SPIDR: variants seen among roughly 807,000 people sequenced by gnomAD.
SPIDR encodes the protein DNA repair-scaffolding protein.
A neutral mutation model predicts 104.6 loss-of-function variants in SPIDR; 93 were observed. That is an observed-to-expected ratio of 0.89 (90% CI 0.75 to 1.06). SPIDR has a LOEUF of 1.06. Ranked by LOEUF, SPIDR falls within the 50% of genes least tolerant of loss-of-function variation. SPIDR has a pLI of 0.00. For missense variants in SPIDR, 1,154 were observed against 1,111.2 expected (o/e 1.04, Z -0.55); for synonymous variants, 431 against 416.9 (o/e 1.03, Z -0.41).
At chr8:47,649,897 A>G (rs924622018) in intron 10 of SPIDR, among the ~76,000 whole-genome samples, 3 of 152,212 alleles carry the variant, frequency 2.0e-5, no homozygotes. Flanking sequence ...AGCATTCAAT[A>G]AAATCCAGCA....
Position 47,592,072 on chromosome 8 carries a change from T to G in SPIDR, c.1098-3739T>G, listed in dbSNP as rs1262451732. ...AGTAATGTTTCTAAGACTGTGTCCA[T>G]TAAATGCAAACAAAAAGGAGGAAGT... On this transcript the variant is annotated intron_variant, in intron 8 of 19. Coordinates refer to ENST00000297423, the MANE Select transcript of SPIDR (RefSeq NM_001080394.4). 5 of 1,148,586 alleles carry G rather than the reference T, an allele frequency of 4.4e-6. No homozygotes were observed. In the African/African-American group the frequency reaches 4.7e-5, roughly 11 times the overall value. The allele number at this position is 1,148,586 out of a possible 1,614,324, so 71.1% of individuals were successfully genotyped here. A position where few individuals can be genotyped will look rare whatever the true frequency, so the allele number is the denominator to read the frequency against.
chr8:47,365,806 TC>T (rs782680637), intron 5 of SPIDR, among the ~76,000 whole-genome samples: 5 of 152,112 alleles, frequency 3.3e-5, no homozygotes, highest in Non-Finnish European at 7.4e-5. Flanking sequence ...AAAGACTTCT[TC>T]CAGGCAAGTA....
intron 1 of SPIDR, among the ~76,000 whole-genome samples, chr8:47,263,466 A>G (rs1217653632): frequency 1.3e-5 from 2 of 151,990 alleles, no homozygotes; most frequent in East Asian, 3.9e-4. Context: ...TACAGGCGCC[A>G]GCCTCCACAC....
At chr8:47,682,694 T>G (rs1224896492) in intron 11 of SPIDR, among the ~76,000 whole-genome samples, 1 of 152,192 alleles carries the variant, frequency 6.6e-6, no homozygotes, top group African/African-American at 2.4e-5. Flanking sequence ...CAATGGAACT[T>G]CTGGGCATAA....
chr8:47,654,176 A>T (rs1198352648), intron 10 of SPIDR: 1 of 1,289,744 alleles, frequency 7.8e-7, no homozygotes, highest in East Asian at 5.6e-5. Context: ...ACTCTATTCG[A>T]TAAGAAGGAG....
At chr8:47,348,511 G>A (rs1211003675) in intron 5 of SPIDR, among the ~76,000 whole-genome samples, 1 of 152,200 alleles carries the variant, frequency 6.6e-6, no homozygotes, top group African/African-American at 2.4e-5. Context: ...CGAAGTTGGG[G>A]AAGTTTTCCT....
intron 1 of SPIDR, among the ~76,000 whole-genome samples, chr8:47,275,784 A>G (rs1182354075): frequency 6.6e-6 from 1 of 152,190 alleles, no homozygotes; most frequent in Non-Finnish European, 1.5e-5. Context: ...ATGTGGATGA[A>G]TAGACCATGA....
intron 8 of SPIDR, among the ~76,000 whole-genome samples, chr8:47,460,825 A>G (rs1452408941): frequency 1.3e-5 from 2 of 152,200 alleles, no homozygotes; most frequent in Non-Finnish European, 2.9e-5. Context: ...TTAGACCTCC[A>G]TTTAGCAGTT....
chr8:47,321,089 G>T (rs1290395443), intron 5 of SPIDR, among the ~76,000 whole-genome samples: 2 of 152,108 alleles, frequency 1.3e-5, no homozygotes, highest in Non-Finnish European at 2.9e-5. Context: ...GGAAGTTCTG[G>T]CCAGGGCAAT....
chr8:47,721,754 C>T (rs144363001), intron 16 of SPIDR, among the ~76,000 whole-genome samples: 7 of 152,296 alleles, frequency 4.6e-5, no homozygotes, highest in South Asian at 2.1e-4. Flanking sequence ...GGATTACAGG[C>T]GTGAGCCACC....
intron 10 of SPIDR, among the ~76,000 whole-genome samples, chr8:47,603,793 A>G (rs1192390708): frequency 6.6e-6 from 1 of 152,218 alleles, no homozygotes; most frequent in African/African-American, 2.4e-5. Context: ...TTGCAAGAGG[A>G]CAGAACGTGC....
rs375785691 is a variant in SPIDR, at chr8:47,329,172, G to A, written c.525+35142G>A. On this transcript the variant is annotated intron_variant, in intron 5 of 19. Transcript: ENST00000297423. ...TGCAACCTCCGCCTCCTGGGTTCAC[G>A]CCATTCTCCTGCCTCAGCCTCCCGA... Among the ~76,000 whole-genome samples the A allele has an allele frequency of 1.5e-4, 22 of 151,716 alleles. No homozygotes were observed. In the East Asian group the frequency reaches 2.7e-3, roughly 19 times the overall value.
chr8:47,510,461 C>G (rs2082146896), intron 8 of SPIDR, among the ~76,000 whole-genome samples: 2 of 152,004 alleles, frequency 1.3e-5, no homozygotes, highest in African/African-American at 4.8e-5. Flanking sequence ...AAATTATGTG[C>G]ATAAAGCATT....
At chr8:47,586,285 T>C (rs1017921562) in intron 8 of SPIDR, among the ~76,000 whole-genome samples, 7 of 152,226 alleles carry the variant, frequency 4.6e-5, no homozygotes, top group Non-Finnish European at 1.0e-4. Context: ...AGTTGCGTGC[T>C]TAGTTTTGTG....
rs2078634988 is a variant in SPIDR at position 47,691,397 on chromosome 8, T to C, written c.1686-9006T>C. Reference sequence around the variant, plus strand: ...CGTAAGTTCCCACATCTATACGGTATTCATAGGCTATTCTTAGCGGAGATC... The same window carrying C: ...CGTAAGTTCCCACATCTATACGGTACTCATAGGCTATTCTTAGCGGAGATC... On this transcript the variant is annotated intron_variant, in intron 11 of 19. Coordinates refer to ENST00000297423, the MANE Select transcript of SPIDR (RefSeq NM_001080394.4). 2.0e-5 allele frequency among the ~76,000 whole-genome samples: 3 copies of C among 152,160 alleles called. No homozygotes were observed. The South Asian group carries it at 6.2e-4, about 32-fold the overall frequency.
chr8:47,697,688 C>CA (rs1300600599), intron 11 of SPIDR: 1 of 152,630 alleles, frequency 6.6e-6, no homozygotes, highest in East Asian at 1.9e-4. Context: ...CTGCCTATGC[C>CA]ATGTACCATG....
intron 7 of SPIDR, among the ~76,000 whole-genome samples, chr8:47,420,404 TAA>T (rs1433553274): frequency 6.6e-6 from 1 of 152,178 alleles, no homozygotes; most frequent in Non-Finnish European, 1.5e-5. Context: ...TTTGTTGGTT[TAA>T]AGTCTGTTTT....
At chr8:47,649,863 G>GA (rs1440340525) in intron 10 of SPIDR, among the ~76,000 whole-genome samples, 1 of 151,976 alleles carries the variant, frequency 6.6e-6, no homozygotes, top group Non-Finnish European at 1.5e-5. Flanking sequence ...AAAATCATAT[G>GA]ATCATTTTAA....
intron 8 of SPIDR, among the ~76,000 whole-genome samples, chr8:47,520,573 T>C (rs1161886706): frequency 6.6e-6 from 1 of 152,222 alleles, no homozygotes; most frequent in Non-Finnish European, 1.5e-5. Context: ...GACCGTGTGC[T>C]GGAAGTGGCA....
Sources: gnomAD v4.1 joint callset for allele counts (sites outside exome capture counted in the v4.1 genomes callset) on GRCh38, gnomAD v4.1.1 for gene constraint, MANE v1.5 for transcripts, NCBI Gene and HGNC (gene_info 2026-07-23, HGNC 2026-07-21) for gene names.